GRID2: variants seen among roughly 807,000 people sequenced by gnomAD.
GRID2 encodes glutamate receptor ionotropic, delta-2.
GRID2 carries 33 observed loss-of-function variants against 114.8 expected under a neutral mutation model. That is an observed-to-expected ratio of 0.29 (90% confidence interval 0.22 to 0.38). GRID2 has a LOEUF of 0.38. Among genes scored for constraint, GRID2 ranks in the 10% least tolerant of loss-of-function variants. The probability of loss-of-function intolerance (pLI) is 1.00; values close to 1 mark genes in which losing one functional copy is unlikely to be tolerated. For synonymous variants in GRID2, 505 were observed against 449.9 expected (o/e 1.12, Z -1.55); for missense variants, 1,184 against 1,257.7 (o/e 0.94, Z 0.89).
At chr4:93,726,552 T>C (rs1215332232) in intron 14 of GRID2, among the ~76,000 whole-genome samples, 1 of 152,234 alleles carries the variant, frequency 6.6e-6, no homozygotes, top group Non-Finnish European at 1.5e-5. Context: ...GGGGATAGCA[T>C]TGAATCTATA....
intron 10 of GRID2, among the ~76,000 whole-genome samples, chr4:93,439,782 A>G (rs1015012285): frequency 6.6e-6 from 1 of 151,960 alleles, no homozygotes; most frequent in Non-Finnish European, 1.5e-5. Context: ...AGAACCTGAG[A>G]ATGTGATGAG....
intron 2 of GRID2, among the ~76,000 whole-genome samples, chr4:92,868,062 TTCTTTCTGTCTG>T (rs780360574): frequency 0.018 from 2,176 of 119,564 alleles, 14 homozygotes; most frequent in Middle Eastern, 0.034. Context: ...CTTTCTTTCT[TTCTTTCTGTCTG>T]TCTGTCTGTC....
At chr4:93,789,970 T>C (rs956989680) in intron 1 of GRID2, among the ~76,000 whole-genome samples, 2 of 152,118 alleles carry the variant, frequency 1.3e-5, no homozygotes, top group Non-Finnish European at 2.9e-5. Flanking sequence ...TGTGACCCTA[T>C]TGTGAACTGC....
intron 13 of GRID2, among the ~76,000 whole-genome samples, chr4:93,530,277 C>G (rs1318943095): frequency 1.3e-5 from 2 of 152,112 alleles, no homozygotes; most frequent in African/African-American, 2.4e-5. Context: ...CACTTTATCT[C>G]TAGTGCAAAT....
chr4:92,924,615 A>G (rs1258363470), intron 2 of GRID2, among the ~76,000 whole-genome samples: 1 of 152,142 alleles, frequency 6.6e-6, no homozygotes, highest in Admixed American at 6.6e-5. Flanking sequence ...GGTCCATGCC[A>G]TGCTGTTGCA....
In GRID2 at chr4:92,460,032, C is replaced by CTCTCTCTCTCTA. The variant is rs749790235; in HGVS notation, c.89-130098_89-130097insCTCTCTCTCTAT. On this transcript the variant is annotated intron_variant, in intron 1 of 15. Transcript: ENST00000282020. ...AGCCCATTCCTTAAAATAAATCTCA[C>CTCTCTCTCTCTA]TATATATATATATATATATATACAC... Among the ~76,000 whole-genome samples the CTCTCTCTCTCTA allele has an allele frequency of 1.2e-3, 59 of 48,440 alleles. 1 individual carries two copies. The highest frequency in any genetic ancestry group is 5.7e-3 in the African/African-American group (56 of 9,902). 31.8% of individuals were successfully genotyped at this position (48,440 alleles called of 152,430 possible). A position where few individuals can be genotyped will look rare whatever the true frequency, so the allele number is the denominator to read the frequency against.
intron 4 of GRID2, among the ~76,000 whole-genome samples, chr4:93,121,075 TCCCAG>T (rs1733740339): frequency 6.6e-6 from 1 of 152,144 alleles, no homozygotes; most frequent in African/African-American, 2.4e-5. Context: ...TGCACATGTA[TCCCAG>T]AACTTAAAGT....
At chr4:92,511,640 G>A (rs1271265288) in intron 1 of GRID2, among the ~76,000 whole-genome samples, 1 of 151,766 alleles carries the variant, frequency 6.6e-6, no homozygotes, top group Non-Finnish European at 1.5e-5. Context: ...ATTACCTTAA[G>A]AATTAAAATA....
intron 6 of GRID2, among the ~76,000 whole-genome samples, chr4:93,220,350 T>C (rs1423496523): frequency 2.0e-5 from 3 of 152,072 alleles, no homozygotes; most frequent in African/African-American, 7.2e-5. Flanking sequence ...AGGAAAGATA[T>C]TGAAAAGTCT....
rs73839563 is a variant in GRID2, at chr4:93,518,513, C to T, written c.2193+3102C>T. Among the ~76,000 whole-genome samples the T allele has an allele frequency of 4.3e-3, 653 of 152,124 alleles. 4 individuals carry two copies. Among genetic ancestry groups the T allele is most frequent in the African/African-American group, 0.015 (629 of 41,516 alleles). ...AGCACCTTCTATTTGTCAAGCAGTA[C>T]ATTAGTCACTGGGATGGACAGAAAT... On this transcript the variant is annotated intron_variant, in intron 13 of 15. Transcript: ENST00000282020.
chr4:92,822,281 A>G (rs1275260372), intron 2 of GRID2: 9 of 592,826 alleles, frequency 1.5e-5, no homozygotes, highest in South Asian at 8.2e-5. Flanking sequence ...ATGGCATGGC[A>G]TGGCATGGCC....
chr4:93,076,133 A>C (rs1729271696), intron 2 of GRID2, among the ~76,000 whole-genome samples: 1 of 151,808 alleles, frequency 6.6e-6, no homozygotes, highest in South Asian at 2.1e-4. Context: ...GATCTGACCT[A>C]GTGATCAGCC....
chr4:93,249,249 G>A (rs1579422704), intron 8 of GRID2, among the ~76,000 whole-genome samples: 1 of 152,194 alleles, frequency 6.6e-6, no homozygotes, highest in Non-Finnish European at 1.5e-5. Flanking sequence ...TTTGTTAGCA[G>A]TACCATGCTG....
intron 2 of GRID2, among the ~76,000 whole-genome samples, chr4:92,662,351 G>C (rs530743192): frequency 2.0e-5 from 3 of 151,078 alleles, no homozygotes; most frequent in African/African-American, 7.2e-5. Flanking sequence ...TGACCAAAAG[G>C]ATTCTTAGGA....
intron 2 of GRID2, among the ~76,000 whole-genome samples, chr4:92,762,956 G>A (rs1011510363): frequency 3.3e-5 from 5 of 152,100 alleles, no homozygotes; most frequent in African/African-American, 9.7e-5. Flanking sequence ...CATCTAACCA[G>A]TGTTACTGAG....
chr4:92,845,846 T>C (rs932900456), intron 2 of GRID2, among the ~76,000 whole-genome samples: 1 of 152,168 alleles, frequency 6.6e-6, no homozygotes, highest in African/African-American at 2.4e-5. Flanking sequence ...ATTTAAGGAA[T>C]GCATTTTTAT....
chr4:93,530,183 T>C (rs1461131832), intron 13 of GRID2, among the ~76,000 whole-genome samples: 1 of 152,160 alleles, frequency 6.6e-6, no homozygotes, highest in Non-Finnish European at 1.5e-5. Context: ...AATAACTAAC[T>C]AATTGGCCCC....
chr4:92,662,153 T>C (rs1464560207), intron 2 of GRID2, among the ~76,000 whole-genome samples: 2 of 151,004 alleles, frequency 1.3e-5, no homozygotes, highest in Admixed American at 1.3e-4. Flanking sequence ...TAAATCATTA[T>C]TAAGTAATGC....
chr4:93,456,579 G>C (rs1298600888), intron 11 of GRID2, among the ~76,000 whole-genome samples: 1 of 152,040 alleles, frequency 6.6e-6, no homozygotes, highest in Non-Finnish European at 1.5e-5. Context: ...CTTTAAACTT[G>C]TCCAATTAAT....
Sources: allele counts gnomAD v4.1 joint callset (sites outside exome capture counted in the v4.1 genomes callset), GRCh38; gene constraint gnomAD v4.1.1; transcripts MANE v1.5; gene names NCBI Gene and HGNC (gene_info 2026-07-23, HGNC 2026-07-21).